Variants in OPA3 observed in about 807,000 individuals in gnomAD.
The protein encoded by OPA3 is optic atrophy 3 protein.
OPA3 carries 6 observed loss-of-function variants against 4.0 expected under a neutral mutation model. That is an observed-to-expected ratio of 1.51 (90% CI 0.83 to 2.99). OPA3 has a LOEUF of 2.99. Among genes scored for constraint, OPA3 ranks in the 30% most tolerant of loss-of-function variants. The pLI is 0.00. For synonymous variants in OPA3, 105 were observed against 117.1 expected (o/e 0.90, Z 0.67); for missense variants, 235 against 256.2 (o/e 0.92, Z 0.56).
intron 1 of OPA3, among the ~76,000 whole-genome samples, chr19:45,580,241 A>G (rs1251894055): frequency 6.8e-6 from 1 of 146,464 alleles, no homozygotes; most frequent in East Asian, 2.0e-4. Context: ...TGATCTGCCC[A>G]CCTTGGCCTC....
chr19:45,563,853 CT>C (rs772674145), intron 1 of OPA3, among the ~76,000 whole-genome samples: 640 of 141,108 alleles, frequency 4.5e-3, no homozygotes, highest in Non-Finnish European at 4.5e-3. Flanking sequence ...CGCGCCCGGC[CT>C]TTTTTTTTTT....
chr19:45,558,600 C>G (rs1599970965), intron 1 of OPA3, among the ~76,000 whole-genome samples: 1 of 152,138 alleles, frequency 6.6e-6, no homozygotes, highest in East Asian at 1.9e-4. Flanking sequence ...CCATCGTTAC[C>G]TACTCATAAT....
At chr19:45,545,767 C>T (rs944709936), downstream of OPA3, among the ~76,000 whole-genome samples, 2 of 135,932 alleles carry the variant, frequency 1.5e-5, no homozygotes, top group Admixed American at 8.3e-5. Flanking sequence ...GGCTGGAGTG[C>T]AGTGGTGTGA....
chr19:45,562,519 T>C (rs907435031), intron 1 of OPA3, among the ~76,000 whole-genome samples: 10 of 113,430 alleles, frequency 8.8e-5, no homozygotes, highest in African/African-American at 3.5e-4. Flanking sequence ...TGAAACCCTG[T>C]CTCTACTAAA....
chr19:45,560,138 A>G (rs1969482489), intron 1 of OPA3, among the ~76,000 whole-genome samples: 1 of 152,012 alleles, frequency 6.6e-6, no homozygotes. Context: ...GGTTACATAG[A>G]ATCGTTTTCC....
chr19:45,547,590 G>A lies in OPA3; in HGVS notation c.*5924C>T, dbSNP rs1393560504. The A allele has an allele frequency of 2.0e-5, 3 of 152,928 alleles. No individual in the cohort carries two copies. Among genetic ancestry groups the A allele is most frequent in the Non-Finnish European group, 4.4e-5 (3 of 68,428 alleles). The allele number at this position is 152,928 out of a possible 1,614,324, so 9.5% of individuals were successfully genotyped here. ...CTCTTCCTATCTCCCTCCATCTGAA[G>A]CGCTGCCTCCTCCCTGCCCACCTGT... On this transcript the variant is annotated 3_prime_UTR_variant, in exon 2 of 2. Transcript: ENST00000263275.
intron 1 of OPA3, among the ~76,000 whole-genome samples, chr19:45,561,177 T>C (rs1049861415): frequency 6.6e-6 from 1 of 151,720 alleles, no homozygotes; most frequent in Non-Finnish European, 1.5e-5. Flanking sequence ...CTACTAAAAA[T>C]ACAAAATTAG....
chr19:45,559,965 G>A (rs1969480449), intron 1 of OPA3, among the ~76,000 whole-genome samples: 1 of 152,096 alleles, frequency 6.6e-6, no homozygotes, highest in South Asian at 2.1e-4. Flanking sequence ...TATCAAAACT[G>A]GGGGTCAAAA....
rs1555730892 is a variant in OPA3, at chr19:45,537,410, A to AAAAAAAAAG, written c.143-7955_143-7954insCTTTTTTTT. 2.5e-5 allele frequency among the ~76,000 whole-genome samples: 3 copies of AAAAAAAAAG among 120,116 alleles called. No homozygotes were observed. In the South Asian group the frequency reaches 9.4e-4, roughly 38 times the overall value. The allele number at this position is 120,116 out of a possible 152,430, so 78.8% of individuals were successfully genotyped here. A position where few individuals can be genotyped will look rare whatever the true frequency, so the allele number is the denominator to read the frequency against. On this transcript the variant is annotated intron_variant, in intron 1 of 1. Coordinates refer to the OPA3 transcript ENST00000323060. ...AGACTCTGTCTCAAAAAAAAAAAAA[A>AAAAAAAAAG]AAAAAAAAAAAACAAGAAAAGAACT...
chr19:45,580,768 G>A (rs554116117), intron 1 of OPA3, among the ~76,000 whole-genome samples: 29 of 152,006 alleles, frequency 1.9e-4, no homozygotes, highest in South Asian at 1.2e-3. Flanking sequence ...ACAGGTGTGC[G>A]CCACCACACC....
At position 45,547,558 on chromosome 19, in the gene OPA3, C is replaced by CA. The variant is rs1413242546; in HGVS notation, c.*5955dup. 32 of 152,774 alleles carry CA rather than the reference C, an allele frequency of 2.1e-4. No individual in the cohort carries two copies. Among genetic ancestry groups the CA allele is most frequent in the African/African-American group, 7.7e-4 (32 of 41,570 alleles). The allele number at this position is 152,774 out of a possible 1,614,324, so 9.5% of individuals were successfully genotyped here. ...CTGTCCTAGGACTTTCACAGATACT[C>CA]ACAGCCCTCTTCCTATCTCCCTCCA... On this transcript the variant is annotated 3_prime_UTR_variant, in exon 2 of 2. Transcript: ENST00000263275.
At chr19:45,527,742 C>T (rs751517859) in exon 2 of OPA3, 3 of 152,104 alleles carry the variant, frequency 2.0e-5, no homozygotes, top group Admixed American at 6.6e-5. Flanking sequence ...TTTGCAGACG[C>T]ACATTATGGT....
At position 45,548,418 on chromosome 19, in the gene OPA3, A is replaced by T. The variant is rs1289799343; in HGVS notation, c.*5096T>A. On this transcript the variant is annotated 3_prime_UTR_variant, in exon 2 of 2. Transcript: ENST00000263275. ...TCAGGGCACCTCCCAGGGTTTTGTGAGCTGGGATGAATGGGTTTATAGTCC... is the reference window on the plus strand; with the variant it reads ...TCAGGGCACCTCCCAGGGTTTTGTGTGCTGGGATGAATGGGTTTATAGTCC... 1.0e-6 allele frequency: 1 copy of T among 985,394 alleles called. No individual in the cohort carries two copies. The highest frequency in any genetic ancestry group is 1.2e-6 in the Non-Finnish European group (1 of 830,014). 61.0% of individuals were successfully genotyped at this position (985,394 alleles called of 1,614,324 possible). A position where few individuals can be genotyped will look rare whatever the true frequency, so the allele number is the denominator to read the frequency against.
At chr19:45,577,679 T>C (rs1204207372) in intron 1 of OPA3, among the ~76,000 whole-genome samples, 1 of 152,202 alleles carries the variant, frequency 6.6e-6, no homozygotes, top group East Asian at 1.9e-4. Context: ...GGTTACACCT[T>C]AACCAAGCGA....
At chr19:45,571,760 G>A (rs1208122557) in intron 1 of OPA3, among the ~76,000 whole-genome samples, 1 of 152,120 alleles carries the variant, frequency 6.6e-6, no homozygotes. Context: ...TACTGGAAGT[G>A]CCCCAGAAAG....
chr19:45,583,400 C>A (rs914942843), intron 1 of OPA3, among the ~76,000 whole-genome samples: 3 of 152,196 alleles, frequency 2.0e-5, no homozygotes, highest in Admixed American at 1.3e-4. Flanking sequence ...GATCTGCCCA[C>A]CTCGGCCTCC....
At chr19:45,532,421 G>C (rs1352508996) in intron 1 of OPA3, among the ~76,000 whole-genome samples, 1 of 152,156 alleles carries the variant, frequency 6.6e-6, no homozygotes, top group Non-Finnish European at 1.5e-5. Flanking sequence ...TGATCTTAGA[G>C]ACTCCTGAGC....
In OPA3 at chr19:45,553,125, C is replaced by A; in HGVS notation, c.*389G>T. 1 of 1,174,256 alleles carries A rather than the reference C, an allele frequency of 8.5e-7. No homozygotes were observed. Among genetic ancestry groups the A allele is most frequent in the East Asian group, 5.7e-5 (1 of 17,574 alleles). 72.7% of individuals were successfully genotyped at this position (1,174,256 alleles called of 1,614,324 possible). On this transcript the variant is annotated 3_prime_UTR_variant, in exon 2 of 2. Transcript: ENST00000263275. ...AAAAGAAGAAGGTGTTCCAGTGTAA[C>A]AGATGAGTGTCCCAGTAAAGGTTAA...
intron 1 of OPA3, among the ~76,000 whole-genome samples, chr19:45,531,846 A>G (rs956088639): frequency 2.0e-5 from 3 of 152,198 alleles, no homozygotes; most frequent in African/African-American, 7.2e-5. Context: ...AAACTCTTCT[A>G]TCTTCTATCC....
Sources: allele counts gnomAD v4.1 joint callset (sites outside exome capture counted in the v4.1 genomes callset), GRCh38; gene constraint gnomAD v4.1.1; transcripts MANE v1.5; gene names NCBI Gene and HGNC (gene_info 2026-07-23, HGNC 2026-07-21).